The following BABAM2 variants were observed in gnomAD, a reference collection of about 807,000 sequenced individuals.
The protein encoded by BABAM2 is BRISC and BRCA1 A complex member 2, also known as BRISC and BRCA1-A complex member 2.
BABAM2 carries 31 observed loss-of-function variants against 54.7 expected under a neutral mutation model. The observed-to-expected ratio is 0.57, with a 90% confidence interval of 0.43 to 0.77. The LOEUF is 0.77. Among genes scored for constraint, BABAM2 ranks in the 30% least tolerant of loss-of-function variants. The pLI is 0.00. For synonymous variants in BABAM2, 167 were observed against 162.9 expected (o/e 1.03, Z -0.19); for missense variants, 364 against 455.8 (o/e 0.80, Z 1.83).
chr2:28,099,410 C>T (rs772523306), intron 6 of BABAM2, among the ~76,000 whole-genome samples: 10 of 152,038 alleles, frequency 6.6e-5, no homozygotes, highest in Admixed American at 2.0e-4. Flanking sequence ...TGCCAAAGGG[C>T]TCAGAATGGG....
intron 6 of BABAM2, among the ~76,000 whole-genome samples, chr2:28,084,299 A>C (rs1364788969): frequency 6.6e-6 from 1 of 152,182 alleles, no homozygotes; most frequent in Non-Finnish European, 1.5e-5. Flanking sequence ...TGGCCTTGGA[A>C]GGGAGAGGTG....
intron 7 of BABAM2, among the ~76,000 whole-genome samples, chr2:28,221,626 C>T (rs983440034): frequency 5.3e-5 from 8 of 152,200 alleles, no homozygotes; most frequent in African/African-American, 1.9e-4. Context: ...TTCCTGGTGG[C>T]TGTATGGTAC....
chr2:28,212,700 G>A (rs555562623), intron 7 of BABAM2, among the ~76,000 whole-genome samples: 1 of 152,014 alleles, frequency 6.6e-6, no homozygotes, highest in South Asian at 2.1e-4. Flanking sequence ...TCATTTTTGG[G>A]CAAATGATAG....
chr2:28,257,360 C>T (rs1032944325), intron 10 of BABAM2, among the ~76,000 whole-genome samples: 1 of 152,194 alleles, frequency 6.6e-6, no homozygotes, highest in African/African-American at 2.4e-5. Context: ...GGTCTCCTCC[C>T]CTGACTTCCA....
intron 7 of BABAM2, among the ~76,000 whole-genome samples, chr2:28,153,849 A>G (rs973867130): frequency 1.3e-5 from 2 of 152,136 alleles, no homozygotes; most frequent in Non-Finnish European, 2.9e-5. Flanking sequence ...TTACTACCTA[A>G]TTTTCTCCGG....
At chr2:28,200,217 CT>C (rs1678115782) in intron 7 of BABAM2, among the ~76,000 whole-genome samples, 1 of 152,154 alleles carries the variant, frequency 6.6e-6, no homozygotes, top group African/African-American at 2.4e-5. Context: ...CACTGAATTC[CT>C]TTCCCCTTAT....
chr2:28,115,996 A>T (rs111786627), intron 6 of BABAM2, among the ~76,000 whole-genome samples: 16,308 of 150,424 alleles, frequency 0.11, 894 homozygotes, highest in East Asian at 0.13. Flanking sequence ...ATGCCTGTAA[A>T]CCCAGCTACT....
chr2:28,303,936 C>T (rs934642620), intron 11 of BABAM2, among the ~76,000 whole-genome samples: 1 of 151,754 alleles, frequency 6.6e-6, no homozygotes, highest in African/African-American at 2.4e-5. Context: ...GCTAGAGTAC[C>T]GTGGCGCAAT....
intron 11 of BABAM2, among the ~76,000 whole-genome samples, chr2:28,318,153 C>G (rs1689723137): frequency 1.3e-5 from 2 of 152,202 alleles, no homozygotes; most frequent in South Asian, 2.1e-4. Context: ...TCCCACCAAG[C>G]CTTGCAAGTC....
At chr2:28,256,282 G>A (rs62139145) in intron 10 of BABAM2, among the ~76,000 whole-genome samples, 26,104 of 151,888 alleles carry the variant, frequency 0.17, 2,352 homozygotes, top group African/African-American at 0.2. Flanking sequence ...TTTGAGATAT[G>A]GGCAACACTT....
At chr2:28,176,854 AAAAG>A (rs199615107) in intron 7 of BABAM2, among the ~76,000 whole-genome samples, 29,492 of 146,346 alleles carry the variant, frequency 0.2, 3,104 homozygotes, top group Non-Finnish European at 0.3. Flanking sequence ...AAAAAAAAAA[AAAAG>A]AAGAAGGAGA....
chr2:27,949,400 G>A (rs1669538215), intron 3 of BABAM2, among the ~76,000 whole-genome samples: 1 of 152,158 alleles, frequency 6.6e-6, no homozygotes, highest in South Asian at 2.1e-4. Context: ...CAGGCGTGGT[G>A]ATGGGTGCCT....
intron 11 of BABAM2, among the ~76,000 whole-genome samples, chr2:28,306,307 A>G (rs1688515902): frequency 6.6e-6 from 1 of 152,192 alleles, no homozygotes; most frequent in Non-Finnish European, 1.5e-5. Flanking sequence ...TGTATCAGTT[A>G]TTGAAAGGAG....
chr2:27,937,328 A>G (rs925496108), intron 3 of BABAM2, among the ~76,000 whole-genome samples: 27 of 152,196 alleles, frequency 1.8e-4, no homozygotes, highest in African/African-American at 5.8e-4. Context: ...GGATTTCACC[A>G]TGTTGGCCAG....
intron 3 of BABAM2, among the ~76,000 whole-genome samples, chr2:27,954,712 A>G (rs913389605): frequency 2.6e-5 from 4 of 152,164 alleles, no homozygotes; most frequent in African/African-American, 4.8e-5. Context: ...TTCTCAATCA[A>G]TTTCTTTTTG....
intron 5 of BABAM2, among the ~76,000 whole-genome samples, chr2:28,034,113 G>T (rs1372236203): frequency 6.6e-6 from 1 of 152,154 alleles, no homozygotes; most frequent in Non-Finnish European, 1.5e-5. Flanking sequence ...AATGTCTTAA[G>T]CTTCCCTCAT....
chr2:28,139,820 A>G (rs1023522934), intron 7 of BABAM2, among the ~76,000 whole-genome samples: 2 of 152,156 alleles, frequency 1.3e-5, no homozygotes, highest in African/African-American at 2.4e-5. Context: ...GTTTTATATT[A>G]AACTTCTATC....
intron 4 of BABAM2, among the ~76,000 whole-genome samples, chr2:28,007,368 T>C (rs994322454): frequency 1.3e-5 from 2 of 152,088 alleles, no homozygotes; most frequent in African/African-American, 4.8e-5. Flanking sequence ...ACCTGTGACA[T>C]GTGCAGCCAT....
At chr2:28,048,701 A>C (rs1415152580) in intron 6 of BABAM2, among the ~76,000 whole-genome samples, 1 of 152,226 alleles carries the variant, frequency 6.6e-6, no homozygotes, top group African/African-American at 2.4e-5. Flanking sequence ...GTACCCCTGA[A>C]CTTCTCAACT....
Sources: allele counts gnomAD v4.1 joint callset (sites outside exome capture counted in the v4.1 genomes callset), GRCh38; gene constraint gnomAD v4.1.1; transcripts MANE v1.5; gene names NCBI Gene and HGNC (gene_info 2026-07-23, HGNC 2026-07-21).